Variants in MTA3 observed in about 807,000 individuals in gnomAD.
The protein encoded by MTA3 is metastasis associated 1 family member 3.
MTA3 carries 34 observed loss-of-function variants against 83.5 expected under a neutral mutation model. The ratio of observed to expected loss-of-function variants is 0.41; its 90% confidence interval spans 0.31 to 0.54. The LOEUF (loss-of-function observed/expected upper bound fraction) is 0.54. Ranked by LOEUF, MTA3 falls within the 20% of genes least tolerant of loss-of-function variation. The pLI is 0.33. For missense variants in MTA3, 761 were observed against 726.4 expected (o/e 1.05, Z -0.55); for synonymous variants, 303 against 252.7 (o/e 1.20, Z -1.89).
At chr2:42,671,384 C>T (rs1163692028) in intron 8 of MTA3, among the ~76,000 whole-genome samples, 1 of 150,192 alleles carries the variant, frequency 6.7e-6, no homozygotes, top group Non-Finnish European at 1.5e-5. Context: ...GATTGTTTTG[C>T]CTGAGGTTTC....
At chr2:42,715,382 A>G (rs1666949798) in intron 14 of MTA3, among the ~76,000 whole-genome samples, 3 of 146,140 alleles carry the variant, frequency 2.1e-5, no homozygotes, top group Admixed American at 2.0e-4. Flanking sequence ...TTCACAGTTG[A>G]GACATAATTC....
intron 16 of MTA3, among the ~76,000 whole-genome samples, chr2:42,742,069 G>A (rs57498500): frequency 0.28 from 42,230 of 151,956 alleles, 6,208 homozygotes; most frequent in Admixed American, 0.38. Context: ...ATATGTTTGC[G>A]AATGCATAGA....
At chr2:42,551,371 A>G (rs1420799924) in intron 2 of MTA3, among the ~76,000 whole-genome samples, 1 of 151,802 alleles carries the variant, frequency 6.6e-6, no homozygotes, top group Non-Finnish European at 1.5e-5. Flanking sequence ...TTATATTTTT[A>G]GTAGAAATGG....
chr2:42,725,314 A>T (rs992352428), intron 16 of MTA3, among the ~76,000 whole-genome samples: 2 of 152,224 alleles, frequency 1.3e-5, no homozygotes, highest in Admixed American at 6.5e-5. Flanking sequence ...GTTACCAGGC[A>T]CTACAGAGAT....
chr2:42,622,098 A>G (rs1204142000), intron 4 of MTA3, among the ~76,000 whole-genome samples: 1 of 152,110 alleles, frequency 6.6e-6, no homozygotes, highest in African/African-American at 2.4e-5. Context: ...ACGCCACTGC[A>G]CTCCAGCCTG....
chr2:42,656,143 G>C lies in MTA3; in HGVS notation c.500-57G>C, dbSNP rs1400098534. Reference sequence around the variant, plus strand: ...GCTATGGTGACAGTTGTCATCAGTGGTATGAGACAGTATGCCTTGTCAGTA... The same window carrying C: ...GCTATGGTGACAGTTGTCATCAGTGCTATGAGACAGTATGCCTTGTCAGTA... On this transcript the variant is annotated intron_variant, in intron 6 of 16. Transcript: ENST00000405094. The C allele has an allele frequency of 4.8e-6, 6 of 1,257,542 alleles. No homozygotes were observed. In the African/African-American group the frequency reaches 5.9e-5, roughly 12 times the overall value. 77.9% of individuals were successfully genotyped at this position (1,257,542 alleles called of 1,614,324 possible).
chr2:42,602,216 G>C (rs1000723293), intron 3 of MTA3, among the ~76,000 whole-genome samples: 1 of 151,848 alleles, frequency 6.6e-6, no homozygotes, highest in South Asian at 2.1e-4. Context: ...GGCTCAAGCT[G>C]TCCACCTGCC....
intron 2 of MTA3, among the ~76,000 whole-genome samples, chr2:42,536,845 T>A (rs1812184): frequency 1.6e-5 from 2 of 126,908 alleles, no homozygotes; most frequent in African/African-American, 6.3e-5. Context: ...GGCAACAGAG[T>A]GAGACCCCAT....
In MTA3 at chr2:42,752,928, C is replaced by CTTT. The variant is rs369993784; in HGVS notation, c.1760-446_1760-445insTTT. Reference sequence around the variant, plus strand: ...TCCAGTGTTAAACTACATTGTGAGCCCTTTTTTTTTTTTTCAGACAGGGTC... The same window carrying CTTT: ...TCCAGTGTTAAACTACATTGTGAGCCTTTCTTTTTTTTTTTTTCAGACAGGGTC... On this transcript the variant is annotated intron_variant, in intron 16 of 16. Coordinates refer to ENST00000405094, the MANE Select transcript of MTA3 (RefSeq NM_001330442.2). 5.7e-5 allele frequency among the ~76,000 whole-genome samples: 8 copies of CTTT among 139,916 alleles called. 2 individuals are homozygous for CTTT. The highest frequency in any genetic ancestry group is 6.1e-5 in the Non-Finnish European group (4 of 65,632). 91.8% of individuals were successfully genotyped at this position (139,916 alleles called of 152,430 possible). A position where few individuals can be genotyped will look rare whatever the true frequency, so the allele number is the denominator to read the frequency against.
chr2:42,650,887 T>C (rs751548073), intron 6 of MTA3, among the ~76,000 whole-genome samples: 29 of 152,250 alleles, frequency 1.9e-4, no homozygotes, highest in South Asian at 4.1e-4. Context: ...ACTAATTCTT[T>C]TGTGGCCATG....
intron 9 of MTA3, among the ~76,000 whole-genome samples, chr2:42,693,250 A>G (rs1012057273): frequency 6.6e-6 from 1 of 152,058 alleles, no homozygotes; most frequent in East Asian, 1.9e-4. Flanking sequence ...GCTACCACCT[A>G]TGCTCACTCA....
At chr2:42,503,921 C>CT (rs34028665) in intron 2 of MTA3, among the ~76,000 whole-genome samples, 27,163 of 111,200 alleles carry the variant, frequency 0.24, 3,924 homozygotes, top group Middle Eastern at 0.3. Flanking sequence ...GAACCACATT[C>CT]TTTTTTTTTT....
chr2:42,699,637 G>A (rs1477209027), intron 11 of MTA3, among the ~76,000 whole-genome samples: 1 of 152,096 alleles, frequency 6.6e-6, no homozygotes, highest in African/African-American at 2.4e-5. Flanking sequence ...CTTTTATGGC[G>A]GGCGGGGGTG....
intron 14 of MTA3, among the ~76,000 whole-genome samples, chr2:42,710,394 T>C (rs1355728343): frequency 2.0e-5 from 3 of 151,440 alleles, no homozygotes; most frequent in Non-Finnish European, 4.4e-5. Context: ...CTACTAAATA[T>C]ACAAAAATTA....
At chr2:42,496,566 G>C (rs943348670) in intron 2 of MTA3, among the ~76,000 whole-genome samples, 1 of 140,586 alleles carries the variant, frequency 7.1e-6, no homozygotes, top group Non-Finnish European at 1.5e-5. Flanking sequence ...TAGAATTTTA[G>C]AGTTTGAAAG....
At chr2:42,602,769 CTCAG>C in intron 3 of MTA3, among the ~76,000 whole-genome samples, 1 of 152,118 alleles carries the variant, frequency 6.6e-6, no homozygotes, top group Non-Finnish European at 1.5e-5. Flanking sequence ...AGTAAATTCC[CTCAG>C]TCAGACCAAG....
At chr2:42,503,474 C>G (rs973779948) in intron 2 of MTA3, among the ~76,000 whole-genome samples, 1 of 152,112 alleles carries the variant, frequency 6.6e-6, no homozygotes, top group Non-Finnish European at 1.5e-5. Flanking sequence ...GGAATGCAGC[C>G]CACTAGATCT....
chr2:42,680,915 G>GT (rs5830736), intron 8 of MTA3, among the ~76,000 whole-genome samples: 115,952 of 151,852 alleles, frequency 0.76, 44,640 homozygotes, highest in South Asian at 0.88. Context: ...CACCATGCCT[G>GT]TTTTTTTGTA....
chr2:42,704,523 G>T (rs540603903), intron 12 of MTA3, among the ~76,000 whole-genome samples: 1 of 152,206 alleles, frequency 6.6e-6, no homozygotes, highest in African/African-American at 2.4e-5. Flanking sequence ...ACACACTCAA[G>T]TTAGGCATTG....
Sources: gnomAD v4.1 joint callset for allele counts (sites outside exome capture counted in the v4.1 genomes callset) on GRCh38, gnomAD v4.1.1 for gene constraint, MANE v1.5 for transcripts, NCBI Gene and HGNC (gene_info 2026-07-23, HGNC 2026-07-21) for gene names.